The following FGF13 variants were observed in gnomAD, a reference collection of about 807,000 sequenced individuals.
The protein encoded by FGF13 is fibroblast growth factor homologous factor 2.
FGF13 carries 2 observed loss-of-function variants against 19.5 expected under a neutral mutation model. The ratio of observed to expected loss-of-function variants is 0.10; its 90% CI spans 0.04 to 0.32. The LOEUF is 0.32. Among genes scored for constraint, FGF13 ranks in the 10% least tolerant of loss-of-function variants. The probability of loss-of-function intolerance (pLI) is 1.00; values close to 1 mark genes in which losing one functional copy is unlikely to be tolerated. For synonymous variants in FGF13, 72 were observed against 76.9 expected, an observed-to-expected ratio of 0.94 and a Z score of 0.33; for missense variants, 113 against 192.7, an observed-to-expected ratio of 0.59 and a Z score of 2.45.
intron 1 of FGF13, among the ~76,000 whole-genome samples, chrX:139,038,919 A>G (rs2092259462): frequency 8.9e-6 from 1 of 112,207 alleles, no homozygotes; most frequent in African/African-American, 3.2e-5. Flanking sequence ...ATTCTGTACA[A>G]TGTCATTACA....
At chrX:139,203,215 CA>C (rs1182470296) in intron 1 of FGF13, among the ~76,000 whole-genome samples, 3 of 111,702 alleles carry the variant, frequency 2.7e-5, no homozygotes, top group African/African-American at 9.8e-5. Flanking sequence ...GCGCGCACTC[CA>C]GGGGGACCAG....
At chrX:138,647,372 G>A (rs1006111199) in intron 3 of FGF13, among the ~76,000 whole-genome samples, 1 of 111,511 alleles carries the variant, frequency 9.0e-6, no homozygotes, top group African/African-American at 3.3e-5. Flanking sequence ...GATATATAAT[G>A]CTTACATGTG....
chrX:138,736,694 A>C (rs1602764507), intron 1 of FGF13, among the ~76,000 whole-genome samples: 1 of 111,020 alleles, frequency 9.0e-6, no homozygotes, highest in Admixed American at 9.6e-5. Flanking sequence ...GAAATGATTA[A>C]CAAATATACT....
At chrX:138,933,486 A>G (rs989411511) in intron 1 of FGF13, among the ~76,000 whole-genome samples, 2 of 111,211 alleles carry the variant, frequency 1.8e-5, no homozygotes, top group Admixed American at 1.9e-4. Flanking sequence ...AAACACAAAC[A>G]GTGAGAGGCT....
chrX:139,151,329 C>T lies in FGF13; in HGVS notation c.-113+52087G>A, dbSNP rs760417333. Among the ~76,000 whole-genome samples the T allele has an allele frequency of 5.4e-5, 6 of 111,691 alleles. No individual in the cohort carries two copies. In the South Asian group the frequency reaches 1.9e-3, roughly 35 times the overall value. On this transcript the variant is annotated intron_variant, in intron 1 of 2. Coordinates refer to the FGF13 transcript ENST00000421460. ...GATTGGAAACTTTCTCTCCATTGAT[C>T]GCCCATTCTAAAAGTTAAATGGCAG...
upstream of FGF13, among the ~76,000 whole-genome samples, chrX:138,742,754 A>G (rs1258674275): frequency 8.9e-6 from 1 of 112,101 alleles, no homozygotes; most frequent in Admixed American, 9.5e-5. Flanking sequence ...GCCTAGACAC[A>G]TCGAAGGCAA....
intron 1 of FGF13, among the ~76,000 whole-genome samples, chrX:138,973,138 C>A (rs1255836208): frequency 8.9e-6 from 1 of 111,999 alleles, no homozygotes; most frequent in Non-Finnish European, 1.9e-5. Context: ...TTAATGCAAG[C>A]ATTTATTGCT....
At chrX:139,054,370 G>A (rs745329248) in intron 1 of FGF13, among the ~76,000 whole-genome samples, 4 of 110,225 alleles carry the variant, frequency 3.6e-5, no homozygotes, top group East Asian at 5.8e-4. Context: ...TGATCCGCCC[G>A]CCTCAGCCTC....
In FGF13 at chrX:139,048,380, G is replaced by A. The variant is rs762702223; in HGVS notation, c.-113+155036C>T. Among the ~76,000 whole-genome samples the A allele has an allele frequency of 3.1e-4, 34 of 110,706 alleles. No individual in the cohort carries two copies. The East Asian group carries it at 3.1e-3, about 10-fold the overall frequency. On this transcript the variant is annotated intron_variant, in intron 1 of 2. Transcript: ENST00000421460. Reference sequence around the variant, plus strand: ...ATTTACATTAAATTTCATACCTAACGGGGCACTTTTCCTTCACTTTTCTTT... The same window carrying A: ...ATTTACATTAAATTTCATACCTAACAGGGCACTTTTCCTTCACTTTTCTTT...
upstream of FGF13, chrX:138,712,063 C>G (rs1176715431): frequency 9.0e-6 from 1 of 110,618 alleles, no homozygotes; most frequent in Non-Finnish European, 1.9e-5. Flanking sequence ...CGGGCTGGAG[C>G]CCCTCAGAAG....
intron 3 of FGF13, chrX:138,806,569 A>G (rs1013385574): frequency 1.8e-5 from 2 of 112,467 alleles, no homozygotes; most frequent in Non-Finnish European, 3.8e-5. Context: ...TTCATGAATG[A>G]TATCTTGGAG....
chrX:138,913,259 C>T (rs147621268), intron 1 of FGF13, among the ~76,000 whole-genome samples: 1,337 of 98,717 alleles, frequency 0.014, 35 homozygotes, highest in African/African-American at 0.047. Flanking sequence ...CTCCGCCTCC[C>T]GAGTTCAAGC....
At position 139,107,222 on chromosome X, in the gene FGF13, A is replaced by C. The variant is rs758224091; in HGVS notation, c.-113+96194T>G. The stretch of plus-strand genomic sequence containing the variant: ...CACCTGGCCCCTGGTAATAATGCTT[A>C]TAGAGTAAGTTAATGCCTAAAATTA... On this transcript the variant is annotated intron_variant, in intron 1 of 2. Transcript: ENST00000421460. Among the ~76,000 whole-genome samples, 4 of 111,975 alleles carry C rather than the reference A, an allele frequency of 3.6e-5. No homozygotes were observed. In the South Asian group the frequency reaches 1.5e-3, roughly 42 times the overall value.
chrX:138,760,324 G>A (rs1336243506), intron 3 of FGF13, among the ~76,000 whole-genome samples: 1 of 111,952 alleles, frequency 8.9e-6, no homozygotes, highest in African/African-American at 3.2e-5. Flanking sequence ...TTGGACCAAA[G>A]AGAAAGCAAG....
intron 1 of FGF13, among the ~76,000 whole-genome samples, chrX:138,897,069 G>GTA (rs1370164779): frequency 1.8e-5 from 2 of 111,734 alleles, no homozygotes; most frequent in African/African-American, 6.5e-5. Flanking sequence ...GGGTGCAGTG[G>GTA]TATGATCTTG....
chrX:138,792,420 C>T (rs1266850149), intron 3 of FGF13, among the ~76,000 whole-genome samples: 2 of 111,519 alleles, frequency 1.8e-5, no homozygotes, highest in Non-Finnish European at 3.8e-5. Flanking sequence ...TCCTTGTCTC[C>T]AAAGCCTAGA....
intron 3 of FGF13, among the ~76,000 whole-genome samples, chrX:138,749,232 C>T (rs369777167): frequency 1.8e-5 from 2 of 108,628 alleles, no homozygotes; most frequent in African/African-American, 6.7e-5. Flanking sequence ...GAGCAGGAGG[C>T]AACTAGGTGA....
In FGF13 at chrX:138,650,588, AT is replaced by A. The variant is rs373034124; in HGVS notation, c.403-14934del. 5.0e-3 allele frequency among the ~76,000 whole-genome samples: 557 copies of A among 111,914 alleles called. 6 individuals carry two copies. Among genetic ancestry groups the A allele is most frequent in the African/African-American group, 0.017 (532 of 30,809 alleles). On this transcript the variant is annotated intron_variant, in intron 3 of 4. Coordinates refer to ENST00000315930, the MANE Select transcript of FGF13 (RefSeq NM_004114.5). ...ACAATACACTACATTCTATGCCAAT[AT>A]AAGATATTAAGATTCAATTTTTTCT... is the stretch of plus-strand genomic sequence containing the variant.
At chrX:139,099,377 C>CAAAAAAAAAAAAAAAAAAAAAAA (rs59882808) in intron 1 of FGF13, among the ~76,000 whole-genome samples, 1 of 32,964 alleles carries the variant, frequency 3.0e-5, no homozygotes, top group Non-Finnish European at 5.7e-5. Context: ...GTTTCTATCT[C>CAAAAAAAAAAAAAAAAAAAAAAA]AAAAAAAAAA....
Sources: gnomAD v4.1 joint callset for allele counts (sites outside exome capture counted in the v4.1 genomes callset) on GRCh38, gnomAD v4.1.1 for gene constraint, MANE v1.5 for transcripts, NCBI Gene and HGNC (gene_info 2026-07-23, HGNC 2026-07-21) for gene names.